AKAP13: variants seen among roughly 807,000 people sequenced by gnomAD.
The protein encoded by AKAP13 is A-kinase anchor protein 13.
A neutral mutation model predicts 264.5 loss-of-function variants in AKAP13; 80 were observed. The observed-to-expected ratio is 0.30, with a 90% CI of 0.25 to 0.36. The LOEUF is 0.36. Ranked by LOEUF, AKAP13 falls within the 10% of genes least tolerant of loss-of-function variation. The probability of loss-of-function intolerance (pLI) is 1.00; values close to 1 mark genes in which losing one functional copy is unlikely to be tolerated. For synonymous variants in AKAP13, 1,380 were observed against 1,250.2 expected (o/e 1.10, Z -2.19); for missense variants, 3,712 against 3,435.2 (o/e 1.08, Z -2.01).
At chr15:85,595,202 T>A (rs1027820833) in intron 8 of AKAP13, among the ~76,000 whole-genome samples, 1 of 152,028 alleles carries the variant, frequency 6.6e-6, no homozygotes, top group African/African-American at 2.4e-5. Flanking sequence ...TGGGCTCAAG[T>A]GATACTCCCA....
rs1187046247 is a variant in AKAP13, at chr15:85,581,531, C to G, written c.3463C>G (p.Leu1155Val). The change falls in exon 7 of 37, where the codon CTT becomes GTT. Residue 1155 changes from leucine (L) to valine (V), a missense_variant. Transcript: ENST00000394518. ...AGTTGGAACCCCAGAGATGATACCT[C>G]TTGATTGGGAGAAAGGGAAGCTGGA... Reference protein sequence around the residue: ...QGVGTPEMIPLDWEKGKLEGA... With the variant: ...QGVGTPEMIPVDWEKGKLEGA... 1.2e-6 allele frequency: 2 copies of G among 1,614,030 alleles called. No homozygotes were observed. Among genetic ancestry groups the G allele is most frequent in the Non-Finnish European group, 8.5e-7 (1 of 1,180,026 alleles).
chr15:85,715,274 A>G (rs1358724396), intron 19 of AKAP13, among the ~76,000 whole-genome samples: 1 of 152,098 alleles, frequency 6.6e-6, no homozygotes, highest in Non-Finnish European at 1.5e-5. Flanking sequence ...ATTTTTTGTA[A>G]GTGGCATTGT....
At chr15:85,426,459 G>A (rs2072781817) in intron 1 of AKAP13, among the ~76,000 whole-genome samples, 1 of 152,140 alleles carries the variant, frequency 6.6e-6, no homozygotes, top group African/African-American at 2.4e-5. Flanking sequence ...CCTGAATATT[G>A]AGGTAGCACA....
intron 3 of AKAP13, among the ~76,000 whole-genome samples, chr15:85,526,802 C>G (rs1277408935): frequency 6.6e-6 from 1 of 152,304 alleles, no homozygotes; most frequent in East Asian, 1.9e-4. Flanking sequence ...GAAATACTCT[C>G]AAGCTATCTC....
chr15:85,398,309 C>T (rs947479609), intron 1 of AKAP13, among the ~76,000 whole-genome samples: 2 of 152,106 alleles, frequency 1.3e-5, no homozygotes, highest in Non-Finnish European at 2.9e-5. Context: ...ATTTTTATTA[C>T]AACAGTAATG....
At chr15:85,734,782 AT>A (rs1731820633) in intron 30 of AKAP13, among the ~76,000 whole-genome samples, 1 of 152,214 alleles carries the variant, frequency 6.6e-6, no homozygotes, top group Non-Finnish European at 1.5e-5. Flanking sequence ...CCTCTTGCAT[AT>A]AAAGTGGAAG....
rs61742515 is a variant in AKAP13 at position 85,581,284 on chromosome 15, T to C, written c.3216T>C (p.Thr1072=). ...PSPLDVGVKN[T]QSQGKTSACE... ...CTCTGGATGTTGGAGTGAAGAACAC[T>C]CAATCCCAGGGAAAAACTAGTGCCT... Residue 1072 remains threonine, a synonymous_variant, in exon 7 of 37, where the codon ACT becomes ACC. Transcript: ENST00000394518. The C allele has an allele frequency of 5.5e-4, 881 of 1,614,144 alleles. 4 individuals are homozygous for C. The African/African-American group carries it at 1.0e-2, about 18-fold the overall frequency.
At chr15:85,393,491 T>C (rs2150811978) in intron 1 of AKAP13, among the ~76,000 whole-genome samples, 1 of 152,370 alleles carries the variant, frequency 6.6e-6, no homozygotes, top group East Asian at 1.9e-4. Context: ...TGTGTATGTT[T>C]AGAGCATAGA....
intron 19 of AKAP13, among the ~76,000 whole-genome samples, chr15:85,714,360 A>G (rs1343801976): frequency 6.6e-6 from 1 of 152,258 alleles, no homozygotes; most frequent in African/African-American, 2.4e-5. Flanking sequence ...GGCAGAAGAA[A>G]TTCCACATAT....
At position 85,586,308 on chromosome 15, in the gene AKAP13, C is replaced by T. The variant is rs142793763; in HGVS notation, c.4161+485C>T. The stretch of plus-strand genomic sequence containing the variant: ...TGGGTGAAAGCGATTCTCCTGCCTT[C>T]GCCTCCTGCCTAATTTCAGCTGTGA... On this transcript the variant is annotated intron_variant, in intron 8 of 36. Coordinates refer to ENST00000394518, the MANE Select transcript of AKAP13 (RefSeq NM_007200.5). Among the ~76,000 whole-genome samples, 254 of 151,720 alleles carry T rather than the reference C, an allele frequency of 1.7e-3. 2 individuals are homozygous for T. The highest frequency in any genetic ancestry group is 5.8e-3 in the African/African-American group (241 of 41,392).
intron 8 of AKAP13, among the ~76,000 whole-genome samples, chr15:85,608,364 G>A (rs773407769): frequency 3.9e-5 from 6 of 152,210 alleles, no homozygotes; most frequent in African/African-American, 9.6e-5. Context: ...GGTTGTGATT[G>A]TGGTGGTAAA....
intron 13 of AKAP13, among the ~76,000 whole-genome samples, chr15:85,668,124 T>C (rs545473225): frequency 6.3e-4 from 96 of 152,348 alleles, no homozygotes; most frequent in African/African-American, 2.2e-3. Flanking sequence ...GTTAAAAGTC[T>C]CTGCCTTTCA....
chr15:85,459,230 G>A (rs1190589645), intron 1 of AKAP13, among the ~76,000 whole-genome samples: 1 of 152,160 alleles, frequency 6.6e-6, no homozygotes, highest in Admixed American at 6.5e-5. Flanking sequence ...CTGTCACCCA[G>A]GCTGGAGTGC....
At chr15:85,412,951 A>G (rs903453588) in intron 1 of AKAP13, among the ~76,000 whole-genome samples, 1 of 152,206 alleles carries the variant, frequency 6.6e-6, no homozygotes, top group East Asian at 1.9e-4. Flanking sequence ...TCAGGGGGCT[A>G]AGGCACTGGC....
At chr15:85,730,404 C>G in intron 29 of AKAP13, 109 bp from the exon 30 acceptor site, 1 of 1,128,414 alleles carries the variant, frequency 8.9e-7, no homozygotes, top group Non-Finnish European at 1.3e-6. Context: ...GGGAGGGTGT[C>G]CTGTCTTGTC....
intron 35 of AKAP13, 30 bp downstream of exon 35, chr15:85,741,525 AATG>A (rs745933288): frequency 9.7e-6 from 15 of 1,539,138 alleles, no homozygotes; most frequent in African/African-American, 1.4e-5. Context: ...AGAGCAACCT[AATG>A]ATGATATTAA....
intron 5 of AKAP13, among the ~76,000 whole-genome samples, chr15:85,572,190 A>T (rs982094567): frequency 1.3e-5 from 2 of 152,138 alleles, no homozygotes; most frequent in African/African-American, 4.8e-5. Context: ...GTGTCCTCTA[A>T]TCTTGTTATA....
At chr15:85,515,129 A>G (rs2076559756) in intron 2 of AKAP13, among the ~76,000 whole-genome samples, 1 of 138,568 alleles carries the variant, frequency 7.2e-6, no homozygotes, top group Non-Finnish European at 1.5e-5. Context: ...TAAAAAATAA[A>G]CTCAGGAATC....
intron 1 of AKAP13, among the ~76,000 whole-genome samples, chr15:85,454,182 C>G (rs2074196952): frequency 6.6e-6 from 1 of 152,126 alleles, no homozygotes; most frequent in African/African-American, 2.4e-5. Flanking sequence ...TTACAGGAGT[C>G]TAACCTCCCA....
Sources: gnomAD v4.1 joint callset for allele counts (sites outside exome capture counted in the v4.1 genomes callset) on GRCh38, gnomAD v4.1.1 for gene constraint, MANE v1.5 for transcripts, NCBI Gene and HGNC (gene_info 2026-07-23, HGNC 2026-07-21) for gene names.